The following TOPORS variants were observed in gnomAD, a reference collection of about 807,000 sequenced individuals.
TOPORS encodes TOP1 binding arginine/serine rich protein, E3 ubiquitin ligase.
TOPORS carries 25 observed loss-of-function variants against 81.4 expected under a neutral mutation model. The observed-to-expected ratio is 0.31, with a 90% CI of 0.22 to 0.43. The LOEUF is 0.43. TOPORS is among the 20% of genes least tolerant of loss of function. The pLI is 1.00. For synonymous variants in TOPORS, 473 were observed against 456.6 expected (o/e 1.04, Z -0.46); for missense variants, 1,101 against 1,267.0 (o/e 0.87, Z 1.99).
Position 32,552,555 on chromosome 9 carries a change from C to T in TOPORS, c.-119G>A. 3.0e-6 allele frequency: 4 copies of T among 1,319,166 alleles called. No homozygotes were observed. In the South Asian group the frequency reaches 5.0e-5, roughly 17 times the overall value. The allele number at this position is 1,319,166 out of a possible 1,614,324, so 81.7% of individuals were successfully genotyped here. A position where few individuals can be genotyped will look rare whatever the true frequency, so the allele number is the denominator to read the frequency against. ...AGGCGGAAAGGCCCTATTTCTTCAG[C>T]ACCCAGAAACTCCAAAATCCATTCC... On this transcript the variant is annotated 5_prime_UTR_variant, in exon 1 of 3. Transcript: ENST00000360538.
intron 2 of TOPORS, among the ~76,000 whole-genome samples, chr9:32,550,379 A>G (rs1821213650): frequency 6.6e-6 from 1 of 152,374 alleles, no homozygotes; most frequent in African/African-American, 2.4e-5. Context: ...TGAGCATTAC[A>G]TAACCACAAC....
intron 1 of TOPORS, 92 bp from the exon 2 acceptor site, chr9:32,551,060 A>C: frequency 2.3e-5 from 31 of 1,375,246 alleles, no homozygotes; most frequent in Non-Finnish European, 2.6e-5. Flanking sequence ...AAAACACAAC[A>C]CCCGCCTTCC....
In TOPORS at chr9:32,543,287, T is replaced by G. The variant is rs61758062; in HGVS notation, c.1238A>C (p.Gln413Pro). The change falls in exon 3 of 3, where the codon CAG becomes CCG. Residue 413 changes from glutamine (Q) to proline (P), a missense_variant. Gln to Pro is a moderately conservative substitution (Grantham distance 76, BLOSUM62 -1). This residue lies in a region of TOPORS where 103 missense variants were observed against 112.1 expected (regional missense o/e 0.92). Coordinates refer to ENST00000360538, the MANE Select transcript of TOPORS (RefSeq NM_005802.5). This position sits in a 1 kb window ranked among gnomAD's most constrained non-coding sequence, Gnocchi z 5.6. The part of the protein sequence containing the change: ...ELDINVATVS[Q>P]APWDDETPGP... Reference sequence around the variant, plus strand: ...TGGAGTTTCATCATCCCATGGTGCCTGACTAACAGTGGCTACATTAATATC... The same window carrying G: ...TGGAGTTTCATCATCCCATGGTGCCGGACTAACAGTGGCTACATTAATATC... The G allele has an allele frequency of 1.5e-3, 2,455 of 1,614,026 alleles. 4 individuals carry two copies. Among genetic ancestry groups the G allele is most frequent in the Non-Finnish European group, 1.7e-3 (2,060 of 1,180,008 alleles).
Position 32,544,306 on chromosome 9 carries a change from C to T in TOPORS, c.219G>A (p.Lys73=). The change falls in exon 3 of 3, where the codon AAG becomes AAA. Residue 73 remains lysine (K), a synonymous_variant. Coordinates refer to ENST00000360538, the MANE Select transcript of TOPORS (RefSeq NM_005802.5). The part of the protein sequence containing the change: ...ASSEIMASAA[K]EFKMDNFSPK... ...GTGAAAAGTTGTCCATTTTAAATTC[C>T]TTAGCAGCTGATGCCATTATCTGTA... is the stretch of plus-strand genomic sequence containing the variant. The T allele has an allele frequency of 6.2e-7, 1 of 1,601,160 alleles. No individual in the cohort carries two copies. The highest frequency in any genetic ancestry group is 8.5e-7 in the Non-Finnish European group (1 of 1,179,958).
chr9:32,552,242 G>A, intron 1 of TOPORS, 192 bp downstream of exon 1: 2 of 706,582 alleles, frequency 2.8e-6, no homozygotes, highest in Non-Finnish European at 2.4e-6. Flanking sequence ...AGGCGGGCAA[G>A]GCCCCCGATC....
chr9:32,551,701 C>T (rs1821266333), intron 1 of TOPORS: 1 of 365,334 alleles, frequency 2.7e-6, no homozygotes, highest in South Asian at 1.9e-5. Flanking sequence ...CTGGTACGCT[C>T]GCCCACCAAA....
At position 32,543,987 on chromosome 9, in the gene TOPORS, A is replaced by G; in HGVS notation, c.538T>C (p.Tyr180His). 3.7e-6 allele frequency: 6 copies of G among 1,614,188 alleles called. No individual in the cohort carries two copies. The highest frequency in any genetic ancestry group is 5.1e-6 in the Non-Finnish European group (6 of 1,180,028). Reference protein sequence around the residue: ...SFVTPDRRFRYRTTLTRERNA... With the variant: ...SFVTPDRRFRHRTTLTRERNA... ...CGTTCCCTTGTCAGAGTTGTACGGTAGCGAAATCGTCGATCAGGGGTGACA... is the reference window on the plus strand; with the variant it reads ...CGTTCCCTTGTCAGAGTTGTACGGTGGCGAAATCGTCGATCAGGGGTGACA... Residue 180 changes from tyrosine (Y) to histidine (H), a missense_variant, in exon 3 of 3, where the codon TAC (tyrosine) becomes CAC (histidine). This residue lies in a region of TOPORS where 120 missense variants were observed against 115.4 expected (regional missense o/e 1.04). Transcript: ENST00000360538. The surrounding 1 kb of genome is among the most constrained non-coding windows in gnomAD (Gnocchi z 5.6).
At chr9:32,548,697 G>A (rs896964443) in intron 2 of TOPORS, among the ~76,000 whole-genome samples, 2 of 152,204 alleles carry the variant, frequency 1.3e-5, no homozygotes, top group Non-Finnish European at 2.9e-5. Context: ...TTTCCTCACA[G>A]GAGACAATCA....
rs1265168343 is a variant in TOPORS, at chr9:32,543,778, T to C, written c.747A>G (p.Lys249=). The C allele has an allele frequency of 6.2e-7, 1 of 1,611,540 alleles. No homozygotes were observed. The highest frequency in any genetic ancestry group is 1.1e-5 in the South Asian group (1 of 90,688). The change falls in exon 3 of 3, where the codon AAA becomes AAG. Residue 249 remains lysine (K), a synonymous_variant. Transcript: ENST00000360538. This position sits in a 1 kb window ranked among gnomAD's most constrained non-coding sequence, Gnocchi z 5.6. ...AATTAATAATATCTTGTTCTTGAATTTTCCGCAAAGATCTTTCATCTGCCG... is the reference window on the plus strand; with the variant it reads ...AATTAATAATATCTTGTTCTTGAATCTTCCGCAAAGATCTTTCATCTGCCG... ...PTTADERSLR[K]IQEQDIINFR...
rs1257828792 is a variant in TOPORS, at chr9:32,550,956, G to A, written c.16C>T (p.Pro6Ser). The change falls in exon 2 of 3, where the codon CCG becomes TCG. Residue 6 changes from proline to serine, a missense_variant. Transcript: ENST00000360538. ...TCGCGAGACAGCGGAGACCCCAGCG[G>A]CGGCTGCGACCCCTGTGACGCAAAG... is the stretch of plus-strand genomic sequence containing the variant. MGSQP[P>S]LGSPLSREEG... 6.2e-7 allele frequency: 1 copy of A among 1,611,210 alleles called. No homozygotes were observed. The highest frequency in any genetic ancestry group is 8.5e-7 in the Non-Finnish European group (1 of 1,179,782).
intron 2 of TOPORS, among the ~76,000 whole-genome samples, chr9:32,549,125 C>T (rs984872725): frequency 6.6e-6 from 1 of 151,954 alleles, no homozygotes; most frequent in Non-Finnish European, 1.5e-5. Context: ...CTGGCTAACA[C>T]GGTGAAACCG....
rs774321687 is a variant in TOPORS, at chr9:32,544,228, A to C, written c.297T>G (p.Pro99=). The C allele has an allele frequency of 6.2e-7, 1 of 1,611,334 alleles. No homozygotes were observed. Among genetic ancestry groups the C allele is most frequent in the South Asian group, 1.1e-5 (1 of 91,084 alleles). Residue 99 remains proline, a synonymous_variant, in exon 3 of 3, where the codon CCT becomes CCG. Coordinates refer to ENST00000360538, the MANE Select transcript of TOPORS (RefSeq NM_005802.5). ...LQQTVPADAS[P]DSKCPICLDR... ...CCAAGCATATAGGACACTTAGAATCAGGAGATGCATCAGCTGGTACTGTCT... is the reference window on the plus strand; with the variant it reads ...CCAAGCATATAGGACACTTAGAATCCGGAGATGCATCAGCTGGTACTGTCT...
In TOPORS at chr9:32,543,170, C is replaced by G; in HGVS notation, c.1355G>C (p.Gly452Ala). ...SDSSDEELVTGGATSQIQGVQ... is the reference protein window; with the variant it reads ...SDSSDEELVTAGATSQIQGVQ... ...TCCTTGTATCTGAGACGTGGCTCCT[C>G]CTGTGACAAGTTCTTCATCTGAACT... is the stretch of plus-strand genomic sequence containing the variant. The change falls in exon 3 of 3, where the codon GGA (glycine) becomes GCA (alanine). Residue 452 changes from glycine (G) to alanine (A), a missense_variant. By Grantham distance (60) the Gly-to-Ala change is moderately conservative. Coordinates refer to ENST00000360538, the MANE Select transcript of TOPORS (RefSeq NM_005802.5). The surrounding 1 kb of genome is among the most constrained non-coding windows in gnomAD (Gnocchi z 5.6). The G allele has an allele frequency of 1.2e-6, 2 of 1,613,958 alleles. No individual in the cohort carries two copies. The highest frequency in any genetic ancestry group is 8.5e-7 in the Non-Finnish European group (1 of 1,180,024).
Position 32,540,982 on chromosome 9 carries a change from A to G in TOPORS, c.*405T>C. ...TAAGAAGAAAAATAAAGACTGTCCA[A>G]AGGGATTCTCCTAGCTTATAACACA... On this transcript the variant is annotated 3_prime_UTR_variant, in exon 3 of 3. Transcript: ENST00000360538. The G allele has an allele frequency of 6.2e-6, 1 of 161,992 alleles. No individual in the cohort carries two copies. Among genetic ancestry groups the G allele is most frequent in the South Asian group, 1.6e-4 (1 of 6,126 alleles). 10.0% of individuals were successfully genotyped at this position (161,992 alleles called of 1,614,324 possible).
At position 32,542,689 on chromosome 9, in the gene TOPORS, C is replaced by T. The variant is rs2118966938; in HGVS notation, c.1836G>A (p.Gln612=). The part of the protein sequence containing the change: ...SRSQSRSGHD[Q]KNHRKHHGKK... ...TCCCATGATGCTTTCTATGATTCTT[C>T]TGATCATGCCCACTTCTACTCTGAG... Residue 612 remains glutamine (Q), a synonymous_variant, in exon 3 of 3, where the codon CAG becomes CAA. Coordinates refer to ENST00000360538, the MANE Select transcript of TOPORS (RefSeq NM_005802.5). 6.2e-7 allele frequency: 1 copy of T among 1,614,074 alleles called. No individual in the cohort carries two copies. Among genetic ancestry groups the T allele is most frequent in the Middle Eastern group, 1.6e-4 (1 of 6,062 alleles).
At position 32,541,279 on chromosome 9, in the gene TOPORS, G is replaced by A; in HGVS notation, c.*108C>T. On this transcript the variant is annotated 3_prime_UTR_variant, in exon 3 of 3. Transcript: ENST00000360538. ...AAAATCATTTAAAATATTGTAAGGA[G>A]GAAGAGAGTTTTCACCAAATGTCAT... The A allele has an allele frequency of 9.1e-7, 1 of 1,097,950 alleles. No individual in the cohort carries two copies. The highest frequency in any genetic ancestry group is 1.3e-6 in the Non-Finnish European group (1 of 752,524). 68.0% of individuals were successfully genotyped at this position (1,097,950 alleles called of 1,614,324 possible).
intron 1 of TOPORS, chr9:32,551,634 C>A: frequency 3.8e-6 from 1 of 266,238 alleles, no homozygotes; most frequent in Non-Finnish European, 8.1e-6. Flanking sequence ...CGGCCCGTTG[C>A]CAGATTCTAC....
intron 2 of TOPORS, among the ~76,000 whole-genome samples, chr9:32,544,875 A>C (rs1203686580): frequency 6.6e-6 from 1 of 152,206 alleles, no homozygotes; most frequent in East Asian, 1.9e-4. Context: ...TGTTATTTCT[A>C]TGCATGGCTT....
chr9:32,549,483 A>C (rs1010307182), intron 2 of TOPORS, among the ~76,000 whole-genome samples: 1 of 152,142 alleles, frequency 6.6e-6, no homozygotes, highest in African/African-American at 2.4e-5. Flanking sequence ...TCAAAATCTC[A>C]CGTTTTCTCA....
Sources: gnomAD v4.1 joint callset for allele counts (sites outside exome capture counted in the v4.1 genomes callset) on GRCh38, gnomAD v4.1.1 for gene constraint, gnomAD v4.1.1 regional missense constraint, Gnocchi (gnomAD v3.1) non-coding constraint, MANE v1.5 for transcripts, NCBI Gene and HGNC (gene_info 2026-07-23, HGNC 2026-07-21) for gene names.